Variants in ARHGEF28 observed in about 807,000 individuals in gnomAD.
ARHGEF28 encodes Rho guanine nucleotide exchange factor 28.
Under a neutral mutation model 206.6 loss-of-function variants are expected in ARHGEF28, and 152 were observed. That is an observed-to-expected ratio of 0.74 (90% CI 0.64 to 0.84). ARHGEF28 has a LOEUF of 0.84. Ranked by LOEUF, ARHGEF28 falls within the 40% of genes least tolerant of loss-of-function variation. The pLI, the probability that ARHGEF28 is intolerant of heterozygous loss-of-function variation, is 0.00. For missense variants in ARHGEF28, 2,028 were observed against 2,073.2 expected, an observed-to-expected ratio of 0.98 and a Z score of 0.42; for synonymous variants, 763 against 776.4, an observed-to-expected ratio of 0.98 and a Z score of 0.29.
Position 73,893,215 on chromosome 5 carries a change from G to A in ARHGEF28, c.3585G>A (p.Gly1195=). The change falls in exon 28 of 36, where the codon GGG becomes GGA. Residue 1195 remains glycine, a synonymous_variant. Transcript: ENST00000513042. The part of the protein sequence containing the change: ...QAVESCPEEK[G]GRTSESDEDK... ...TTTAAAGTTGTCCTGAAGAAAAAGG[G>A]GGAAGGACAAGTGAATCTGATGAAG... 1 of 1,553,300 alleles carries A rather than the reference G, an allele frequency of 6.4e-7. No homozygotes were observed. The highest frequency in any genetic ancestry group is 8.7e-7 in the Non-Finnish European group (1 of 1,148,878).
intron 2 of ARHGEF28, among the ~76,000 whole-genome samples, chr5:73,703,812 C>T (rs887764505): frequency 2.0e-5 from 3 of 151,792 alleles, no homozygotes; most frequent in Non-Finnish European, 4.4e-5. Flanking sequence ...CCGAGGCGGG[C>T]AGATCACAAG....
At chr5:73,678,348 A>G (rs551318091) in intron 1 of ARHGEF28, among the ~76,000 whole-genome samples, 1 of 152,240 alleles carries the variant, frequency 6.6e-6, no homozygotes, top group Admixed American at 6.5e-5. Flanking sequence ...TTGCTGTTCA[A>G]ATGGTTTTTA....
At chr5:73,671,739 T>TATATATATATATATA (rs1460435092) in intron 1 of ARHGEF28, among the ~76,000 whole-genome samples, 7 of 8,186 alleles carry the variant, frequency 8.6e-4, no homozygotes, top group African/African-American at 3.5e-3. Context: ...TATATATATA[T>TATATATATATATATA]TTTTTTTTTT....
Position 73,849,006 on chromosome 5 carries a change from T to C in ARHGEF28, c.1666T>C (p.Ser556Pro). The change falls in exon 13 of 36, where the codon TCT becomes CCT. Residue 556 changes from serine (S) to proline (P), a missense_variant. Coordinates refer to ENST00000513042, the MANE Select transcript of ARHGEF28 (RefSeq NM_001177693.2). ...ACTGCTTTCTGGAGTTCGCTCACGT[T>C]CTTATTCTTGCTCATCACCCAAAAT... ...ESLLSGVRSRSYSCSSPKISL... is the reference protein window; with the variant it reads ...ESLLSGVRSRPYSCSSPKISL... The C allele has an allele frequency of 2.5e-6, 4 of 1,576,680 alleles. No homozygotes were observed. The highest frequency in any genetic ancestry group is 3.5e-6 in the Non-Finnish European group (4 of 1,158,872).
At chr5:73,761,517 C>T (rs1337965123) in intron 4 of ARHGEF28, among the ~76,000 whole-genome samples, 1 of 152,116 alleles carries the variant, frequency 6.6e-6, no homozygotes, top group Non-Finnish European at 1.5e-5. Flanking sequence ...ATTGTGCGTC[C>T]TGTTCCAAAG....
chr5:73,860,212 C>T (rs1328959337), intron 16 of ARHGEF28, among the ~76,000 whole-genome samples: 1 of 152,148 alleles, frequency 6.6e-6, no homozygotes, highest in East Asian at 1.9e-4. Flanking sequence ...TATAGTCATC[C>T]AATCTTATGT....
intron 1 of ARHGEF28, among the ~76,000 whole-genome samples, chr5:73,675,895 T>C (rs1481239793): frequency 6.6e-6 from 1 of 151,808 alleles, no homozygotes; most frequent in Non-Finnish European, 1.5e-5. Context: ...TATGTAGTCT[T>C]ATGCAAATTA....
chr5:73,751,921 C>T (rs953672343), intron 3 of ARHGEF28, among the ~76,000 whole-genome samples: 6 of 152,044 alleles, frequency 3.9e-5, no homozygotes, highest in African/African-American at 7.2e-5. Context: ...TTTTAAGAGT[C>T]GATGACAAAG....
intron 1 of ARHGEF28, among the ~76,000 whole-genome samples, chr5:73,631,963 G>A (rs1213824315): frequency 6.6e-6 from 1 of 151,944 alleles, no homozygotes; most frequent in Non-Finnish European, 1.5e-5. Context: ...CCTGTCCCTG[G>A]GTTCATTTTG....
rs138612400 is a variant in ARHGEF28 at position 73,849,468 on chromosome 5, A to G, written c.1747+381A>G. On this transcript the variant is annotated intron_variant, in intron 13 of 35. Transcript: ENST00000513042. ...ATATATACATTGCTAACATAATCCA[A>G]CTCCTCAGAGCCAGAGTGTTGCAGA... Among the ~76,000 whole-genome samples the G allele has an allele frequency of 2.0e-5, 3 of 152,082 alleles. No individual in the cohort carries two copies. In the East Asian group the frequency reaches 5.8e-4, roughly 29 times the overall value.
chr5:73,664,643 C>CT (rs1235035996), intron 1 of ARHGEF28, among the ~76,000 whole-genome samples: 2 of 152,166 alleles, frequency 1.3e-5, no homozygotes, highest in Non-Finnish European at 2.9e-5. Context: ...TTCTTGATGT[C>CT]TTTTATGAGC....
At chr5:73,840,428 A>G (rs1757914602) in intron 10 of ARHGEF28, 52 bp from the exon 11 acceptor site, 3 of 1,560,546 alleles carry the variant, frequency 1.9e-6, no homozygotes, top group African/African-American at 1.4e-5. Context: ...ATTCTTAGCT[A>G]GGCCAATCTT....
chr5:73,643,360 A>G (rs559543949), intron 1 of ARHGEF28, among the ~76,000 whole-genome samples: 22 of 152,360 alleles, frequency 1.4e-4, no homozygotes, highest in Non-Finnish European at 2.6e-4. Context: ...CTGAAATTCA[A>G]TTTCTAAAAA....
chr5:73,911,536 C>A lies in ARHGEF28; in HGVS notation c.4909C>A (p.Leu1637Ile). Residue 1637 changes from leucine (L) to isoleucine (I), a missense_variant, in exon 35 of 36, where the codon CTT becomes ATT. By Grantham distance (5) the Leu-to-Ile change is conservative. Around this residue, in one of 3 missense-constraint regions of ARHGEF28, gnomAD observed 803 missense variants for 768.0 expected, o/e 1.05. Transcript: ENST00000513042. ...WTAAGSGHQI[L>I]PFHESSKDSC... Reference sequence around the variant, plus strand: ...AGCCGCTGGTTCCGGCCATCAGATACTTCCTTTCCATGAAAGCAGCAAGGA... The same window carrying A: ...AGCCGCTGGTTCCGGCCATCAGATAATTCCTTTCCATGAAAGCAGCAAGGA... 6.2e-7 allele frequency: 1 copy of A among 1,611,936 alleles called. No individual in the cohort carries two copies. Among genetic ancestry groups the A allele is most frequent in the Non-Finnish European group, 8.5e-7 (1 of 1,178,872 alleles).
At chr5:73,766,967 G>A (rs1752929188) in intron 4 of ARHGEF28, among the ~76,000 whole-genome samples, 1 of 152,170 alleles carries the variant, frequency 6.6e-6, no homozygotes, top group South Asian at 2.1e-4. Context: ...AGAGAAACTG[G>A]TGTGAGGTGA....
At position 73,671,439 on chromosome 5, in the gene ARHGEF28, A is replaced by G. The variant is rs556257123; in HGVS notation, c.-11-13402A>G. Among the ~76,000 whole-genome samples, 22 of 152,204 alleles carry G rather than the reference A, an allele frequency of 1.4e-4. No homozygotes were observed. In the South Asian group the frequency reaches 3.5e-3, roughly 24 times the overall value. ...AACTCAGACTTTTAGGTATCAGCAA[A>G]TGAATGAACTTTTGGGCTTTTGTAC... On this transcript the variant is annotated intron_variant, in intron 1 of 35. Coordinates refer to ENST00000513042, the MANE Select transcript of ARHGEF28 (RefSeq NM_001177693.2).
chr5:73,647,451 T>A (rs1448993247), intron 1 of ARHGEF28, among the ~76,000 whole-genome samples: 1 of 152,218 alleles, frequency 6.6e-6, no homozygotes, highest in East Asian at 1.9e-4. Flanking sequence ...CACACCTAAC[T>A]TCAGGGAATG....
chr5:73,684,219 A>G (rs1747296423), intron 1 of ARHGEF28, among the ~76,000 whole-genome samples: 1 of 152,182 alleles, frequency 6.6e-6, no homozygotes, highest in Non-Finnish European at 1.5e-5. Flanking sequence ...TGGCCATTAA[A>G]TAATAACTCT....
chr5:73,657,240 C>T (rs993811489), intron 1 of ARHGEF28, among the ~76,000 whole-genome samples: 6 of 149,490 alleles, frequency 4.0e-5, no homozygotes, highest in South Asian at 2.1e-4. Context: ...CTTAGCATCT[C>T]TTTCCCATTT....
Sources: gnomAD v4.1 joint callset for allele counts (sites outside exome capture counted in the v4.1 genomes callset) on GRCh38, gnomAD v4.1.1 for gene constraint, gnomAD v4.1.1 regional missense constraint, MANE v1.5 for transcripts, NCBI Gene and HGNC (gene_info 2026-07-23, HGNC 2026-07-21) for gene names.